Variants in NEXMIF observed in about 807,000 individuals in gnomAD.
NEXMIF encodes XLMR protein related to neurite extension.
NEXMIF carries 8 observed loss-of-function variants against 62.1 expected under a neutral mutation model. The observed-to-expected ratio is 0.13, with a 90% CI of 0.08 to 0.23. The LOEUF (loss-of-function observed/expected upper bound fraction) is 0.23. Among genes scored for constraint, NEXMIF ranks in the 10% least tolerant of loss-of-function variants. The pLI is 1.00. For synonymous variants in NEXMIF, 404 were observed against 416.6 expected, an observed-to-expected ratio of 0.97 and a Z score of 0.37; for missense variants, 976 against 1,113.3, an observed-to-expected ratio of 0.88 and a Z score of 1.75.
At chrX:74,749,991 T>C (rs2080137092) in intron 1 of NEXMIF, among the ~76,000 whole-genome samples, 1 of 111,983 alleles carries the variant, frequency 8.9e-6, no homozygotes, top group Admixed American at 9.5e-5. Flanking sequence ...AAAGATAAAC[T>C]GAAATATACT....
At chrX:74,900,126 A>G (rs2080744482) in intron 1 of NEXMIF, among the ~76,000 whole-genome samples, 1 of 111,381 alleles carries the variant, frequency 9.0e-6, no homozygotes, top group African/African-American at 3.3e-5. Flanking sequence ...ATGTACATCA[A>G]AACCACAATA....
intron 1 of NEXMIF, among the ~76,000 whole-genome samples, chrX:74,865,328 T>C (rs975250747): frequency 9.0e-6 from 1 of 111,668 alleles, no homozygotes; most frequent in African/African-American, 3.3e-5. Context: ...TGTTATGATT[T>C]AGCAAAGAGA....
chrX:74,854,261 G>A (rs1452231551), intron 1 of NEXMIF, among the ~76,000 whole-genome samples: 1 of 112,156 alleles, frequency 8.9e-6, no homozygotes, highest in Non-Finnish European at 1.9e-5. Flanking sequence ...GGGATGCAAG[G>A]ATGGTTCAAC....
chrX:74,882,692 C>A (rs954631961), intron 1 of NEXMIF, among the ~76,000 whole-genome samples: 3 of 112,226 alleles, frequency 2.7e-5, no homozygotes, highest in African/African-American at 9.7e-5. Flanking sequence ...AAGAGGCCTG[C>A]CTGCCTCTGT....
intron 1 of NEXMIF, among the ~76,000 whole-genome samples, chrX:74,859,624 T>C (rs1332642555): frequency 2.7e-5 from 3 of 111,435 alleles, no homozygotes; most frequent in Non-Finnish European, 5.7e-5. Flanking sequence ...TATAACACCA[T>C]AACTGTGGTG....
chrX:74,893,639 T>A (rs1395685750), intron 1 of NEXMIF, among the ~76,000 whole-genome samples: 54 of 112,686 alleles, frequency 4.8e-4, no homozygotes, highest in African/African-American at 1.7e-3. Context: ...AAACTCTATT[T>A]AGGCAAGTTG....
chrX:74,902,089 G>C (rs919171985), intron 1 of NEXMIF, among the ~76,000 whole-genome samples: 1 of 110,039 alleles, frequency 9.1e-6, no homozygotes, highest in African/African-American at 3.3e-5. Flanking sequence ...CTTACATTCT[G>C]ACTCAAAAAT....
At chrX:74,906,803 A>C (rs1483110219) in intron 1 of NEXMIF, among the ~76,000 whole-genome samples, 1 of 111,229 alleles carries the variant, frequency 9.0e-6, no homozygotes, top group African/African-American at 3.3e-5. Context: ...CCCTCTCCCA[A>C]GATAAATCCC....
At chrX:74,763,325 T>C (rs772891732) in intron 1 of NEXMIF, among the ~76,000 whole-genome samples, 12 of 112,020 alleles carry the variant, frequency 1.1e-4, no homozygotes, top group African/African-American at 3.9e-4. Context: ...CATTGGTCTA[T>C]ATCTCTGTTT....
intron 1 of NEXMIF, among the ~76,000 whole-genome samples, chrX:74,880,034 T>A (rs1046789756): frequency 1.8e-5 from 2 of 112,121 alleles, no homozygotes; most frequent in Non-Finnish European, 3.8e-5. Flanking sequence ...AACTCGTAAG[T>A]ACTCACCATT....
At chrX:74,878,991 A>T (rs1376113052) in intron 1 of NEXMIF, among the ~76,000 whole-genome samples, 2 of 112,200 alleles carry the variant, frequency 1.8e-5, no homozygotes, top group Non-Finnish European at 1.9e-5. Flanking sequence ...AGCTGTTCCT[A>T]TTCGGCCATC....
chrX:74,915,441 A>G (rs1030879388), intron 1 of NEXMIF, among the ~76,000 whole-genome samples: 1 of 112,175 alleles, frequency 8.9e-6, no homozygotes, highest in Non-Finnish European at 1.9e-5. Flanking sequence ...CAAAATAAAA[A>G]GTAACAACAA....
At chrX:74,899,285 G>A (rs2080741779) in intron 1 of NEXMIF, among the ~76,000 whole-genome samples, 1 of 111,393 alleles carries the variant, frequency 9.0e-6, no homozygotes, top group African/African-American at 3.3e-5. Flanking sequence ...AAGTTAAATT[G>A]TCTCTCTTTG....
At chrX:74,889,825 G>A (rs989902922) in intron 1 of NEXMIF, among the ~76,000 whole-genome samples, 1 of 111,395 alleles carries the variant, frequency 9.0e-6, no homozygotes, top group Non-Finnish European at 1.9e-5. Flanking sequence ...AATAATAACA[G>A]AAAGAGCAAT....
At chrX:74,894,771 T>G (rs2080727838) in intron 1 of NEXMIF, among the ~76,000 whole-genome samples, 2 of 112,313 alleles carry the variant, frequency 1.8e-5, no homozygotes, top group African/African-American at 6.5e-5. Context: ...GAAAAAGCAT[T>G]TGATAAAATT....
chrX:74,816,731 A>G (rs911473996), intron 1 of NEXMIF, among the ~76,000 whole-genome samples: 1 of 111,713 alleles, frequency 9.0e-6, no homozygotes, highest in Non-Finnish European at 1.9e-5. Context: ...GTTATCCTTA[A>G]CCCTGAAATT....
At chrX:74,784,042 T>G (rs893436515) in intron 1 of NEXMIF, among the ~76,000 whole-genome samples, 1 of 111,983 alleles carries the variant, frequency 8.9e-6, no homozygotes, top group African/African-American at 3.2e-5. Context: ...ATGATTGGGC[T>G]AGGCTGGGCA....
chrX:74,844,128 TA>T (rs1326518175), intron 1 of NEXMIF, among the ~76,000 whole-genome samples: 1 of 111,875 alleles, frequency 8.9e-6, no homozygotes, highest in Non-Finnish European at 1.9e-5. Flanking sequence ...TTCTGGCTTG[TA>T]GGGCTTCAGC....
intron 1 of NEXMIF, among the ~76,000 whole-genome samples, chrX:74,878,061 C>A (rs973015898): frequency 8.9e-6 from 1 of 111,741 alleles, no homozygotes; most frequent in South Asian, 3.8e-4. Flanking sequence ...GGAGGAGAGT[C>A]GCTCTGCTTT....
Sources: allele counts gnomAD v4.1 joint callset (sites outside exome capture counted in the v4.1 genomes callset), GRCh38; gene constraint gnomAD v4.1.1; transcripts MANE v1.5; gene names NCBI Gene and HGNC (gene_info 2026-07-23, HGNC 2026-07-21).